Variants in ANKRD30BL observed in about 807,000 individuals in gnomAD.
ANKRD30BL encodes ankyrin repeat domain 30B like.
ANKRD30BL carries 20 observed loss-of-function variants against 18.4 expected under a neutral mutation model. That is an observed-to-expected ratio of 1.09 (90% CI 0.77 to 1.58). The LOEUF (loss-of-function observed/expected upper bound fraction) is 1.58, where lower values mean the gene tolerates loss of function less well. Among genes scored for constraint, ANKRD30BL ranks in the 40% most tolerant of loss-of-function variants. ANKRD30BL has a pLI of 0.00. For missense variants in ANKRD30BL, 224 were observed against 268.6 expected, an observed-to-expected ratio of 0.83 and a Z score of 1.16; for synonymous variants, 72 against 100.9, an observed-to-expected ratio of 0.71 and a Z score of 1.72.
rs1442334148 is a variant in ANKRD30BL at position 132,218,954 on chromosome 2, C to T, written n.441+38575G>A. Reference sequence around the variant, plus strand: ...GACATTTGGACCGCTTTGAGGCCTTCGTTGGAAACGGGAATATCTTCACAT... The same window carrying T: ...GACATTTGGACCGCTTTGAGGCCTTTGTTGGAAACGGGAATATCTTCACAT... On this transcript the variant is annotated intron_variant and non_coding_transcript_variant, in intron 1 of 4. Transcript: ENST00000470729. Among the ~76,000 whole-genome samples the T allele has an allele frequency of 2.8e-4, 42 of 151,662 alleles. 1 individual carries two copies. Among genetic ancestry groups the T allele is most frequent in the East Asian group, 1.2e-3 (6 of 5,126 alleles).
At chr2:132,171,414 C>A in intron 1 of ANKRD30BL, among the ~76,000 whole-genome samples, 1 of 152,032 alleles carries the variant, frequency 6.6e-6, no homozygotes, top group Non-Finnish European at 1.5e-5. Context: ...AGATGCTATG[C>A]GATTATGTGA....
Position 132,175,012 on chromosome 2 carries a change from G to A in ANKRD30BL, n.442-17866C>T, listed in dbSNP as rs569952668. ...GTGGCATGGATTCAGAGTAAATTAA[G>A]TGAAAATATGAAGGGGTGGCCAGCC... On this transcript the variant is annotated intron_variant and non_coding_transcript_variant, in intron 1 of 4. Transcript: ENST00000470729. Among the ~76,000 whole-genome samples the A allele has an allele frequency of 1.7e-4, 26 of 152,210 alleles. No homozygotes were observed. The East Asian group carries it at 4.8e-3, about 28-fold the overall frequency.
At chr2:132,241,564 T>C (rs1464937128) in intron 1 of ANKRD30BL, among the ~76,000 whole-genome samples, 7 of 151,906 alleles carry the variant, frequency 4.6e-5, no homozygotes, top group Non-Finnish European at 7.4e-5. Flanking sequence ...TTGTGGTATG[T>C]GTACTGAACT....
At chr2:132,212,869 C>T (rs144397150) in intron 1 of ANKRD30BL, among the ~76,000 whole-genome samples, 10,796 of 151,988 alleles carry the variant, frequency 0.071, 1,268 homozygotes, top group African/African-American at 0.24. Flanking sequence ...GAATTCATCT[C>T]ACAGAGTTGT....
At chr2:132,243,738 C>T (rs1376943041) in intron 1 of ANKRD30BL, among the ~76,000 whole-genome samples, 1 of 151,228 alleles carries the variant, frequency 6.6e-6, no homozygotes, top group Non-Finnish European at 1.5e-5. Context: ...TTGATCTTCA[C>T]ATAAAAACAA....
chr2:132,163,761 G>A (rs6715922), upstream of ANKRD30BL, among the ~76,000 whole-genome samples: 28,682 of 152,100 alleles, frequency 0.19, 2,810 homozygotes, highest in South Asian at 0.26. Flanking sequence ...GCACCACCCC[G>A]GAGGCTACAC....
At chr2:132,162,708 C>A (rs1421528099), upstream of ANKRD30BL, among the ~76,000 whole-genome samples, 2 of 152,054 alleles carry the variant, frequency 1.3e-5, no homozygotes, top group African/African-American at 4.8e-5. Context: ...GCCCGACGGC[C>A]TGAGGGTAGC....
intron 1 of ANKRD30BL, among the ~76,000 whole-genome samples, chr2:132,253,551 A>G (rs78985394): frequency 4.9e-4 from 74 of 152,248 alleles, no homozygotes; most frequent in African/African-American, 1.7e-3. Context: ...CCACACGTGC[A>G]GCATGCACGA....
At chr2:132,215,179 ATCTTCACATAAGCACT>A (rs1328169772) in intron 1 of ANKRD30BL, among the ~76,000 whole-genome samples, 3 of 152,152 alleles carry the variant, frequency 2.0e-5, no homozygotes. Flanking sequence ...AAAAGGAAAC[ATCTTCACATAAGCACT>A]AGACAGAAGC....
At chr2:132,215,309 G>A (rs1392707094) in intron 1 of ANKRD30BL, among the ~76,000 whole-genome samples, 5 of 152,246 alleles carry the variant, frequency 3.3e-5, no homozygotes, top group South Asian at 4.1e-4. Flanking sequence ...TCTGTAAGGG[G>A]ACATGCGGAG....
At chr2:132,181,627 G>A (rs912640141) in intron 1 of ANKRD30BL, among the ~76,000 whole-genome samples, 6 of 152,132 alleles carry the variant, frequency 3.9e-5, no homozygotes, top group Admixed American at 2.6e-4. Context: ...TCCATTTACA[G>A]CTTAACTATC....
chr2:132,153,527 C>A (rs557446241), intron 4 of ANKRD30BL: 2 of 498,320 alleles, frequency 4.0e-6, no homozygotes, highest in Admixed American at 4.5e-5. Context: ...ACTATAAAAT[C>A]TCACCTAGCC....
At chr2:132,229,841 G>A (rs1248645623) in intron 1 of ANKRD30BL, among the ~76,000 whole-genome samples, 1 of 151,542 alleles carries the variant, frequency 6.6e-6, no homozygotes, top group East Asian at 1.9e-4. Context: ...TTTGTGATTT[G>A]TGCATTCAAC....
intron 1 of ANKRD30BL, among the ~76,000 whole-genome samples, chr2:132,223,406 G>C (rs1192757122): frequency 6.6e-6 from 1 of 152,030 alleles, no homozygotes; most frequent in Non-Finnish European, 1.5e-5. Flanking sequence ...ATCTGCAAGT[G>C]GACATTTGGA....
intron 1 of ANKRD30BL, among the ~76,000 whole-genome samples, chr2:132,202,902 G>C (rs1264587079): frequency 6.6e-6 from 1 of 152,104 alleles, no homozygotes; most frequent in East Asian, 1.9e-4. Flanking sequence ...ATTTCTAACA[G>C]GGCATAGAGA....
intron 1 of ANKRD30BL, among the ~76,000 whole-genome samples, chr2:132,177,213 G>C (rs1688380456): frequency 6.6e-6 from 1 of 151,842 alleles, no homozygotes; most frequent in Non-Finnish European, 1.5e-5. Context: ...GAGTGCAATG[G>C]CACTTCCTCG....
chr2:132,229,079 G>A (rs1679930056), intron 1 of ANKRD30BL, among the ~76,000 whole-genome samples: 2 of 152,074 alleles, frequency 1.3e-5, no homozygotes, highest in Admixed American at 6.6e-5. Context: ...CATTTGAAGG[G>A]CGTTCAGGCC....
intron 1 of ANKRD30BL, among the ~76,000 whole-genome samples, chr2:132,170,205 T>C (rs140571541): frequency 0.011 from 1,725 of 152,304 alleles, 28 homozygotes; most frequent in African/African-American, 0.038. Context: ...CATATTATTA[T>C]TGTAGGACTT....
At chr2:132,160,348 G>A (rs1464180033) in intron 1 of ANKRD30BL, among the ~76,000 whole-genome samples, 1 of 148,188 alleles carries the variant, frequency 6.7e-6, no homozygotes, top group Non-Finnish European at 1.5e-5. Flanking sequence ...TGATCCACCC[G>A]CCTTGGCCGC....
Sources: allele counts gnomAD v4.1 joint callset (sites outside exome capture counted in the v4.1 genomes callset), GRCh38; gene constraint gnomAD v4.1.1; transcripts MANE v1.5; gene names NCBI Gene and HGNC (gene_info 2026-07-23, HGNC 2026-07-21).